CCDC91: variants seen among roughly 807,000 people sequenced by gnomAD.
CCDC91 encodes coiled-coil domain-containing protein 91.
CCDC91 carries 48 observed loss-of-function variants against 63.2 expected under a neutral mutation model. The ratio of observed to expected loss-of-function variants is 0.76; its 90% confidence interval spans 0.60 to 0.97. CCDC91 has a LOEUF of 0.97. Ranked by LOEUF, CCDC91 falls within the 50% of genes least tolerant of loss-of-function variation. The pLI is 0.00. For missense variants in CCDC91, 500 were observed against 494.6 expected, an observed-to-expected ratio of 1.01 and a Z score of -0.10; for synonymous variants, 167 against 165.8, an observed-to-expected ratio of 1.01 and a Z score of -0.06.
chr12:28,365,817 C>T (rs1944235088), intron 7 of CCDC91, among the ~76,000 whole-genome samples: 1 of 152,278 alleles, frequency 6.6e-6, no homozygotes, highest in South Asian at 2.1e-4. Context: ...ACCTCTCCCT[C>T]CCCTGTAAAT....
chr12:28,221,405 C>T (rs981599015), intron 1 of CCDC91, among the ~76,000 whole-genome samples: 4 of 151,974 alleles, frequency 2.6e-5, no homozygotes, highest in African/African-American at 2.4e-5. Context: ...CCTGGTTATG[C>T]GTTATAGTTT....
intron 8 of CCDC91, among the ~76,000 whole-genome samples, chr12:28,411,439 A>G (rs1430152412): frequency 6.6e-6 from 1 of 152,198 alleles, no homozygotes; most frequent in African/African-American, 2.4e-5. Flanking sequence ...GACGGTGTCA[A>G]GATTTAACAG....
rs554841639 is a variant in CCDC91, at chr12:28,274,687, A to G, written c.109+15245A>G. 2.6e-5 allele frequency among the ~76,000 whole-genome samples: 4 copies of G among 152,152 alleles called. No individual in the cohort carries two copies. The South Asian group carries it at 8.3e-4, about 32-fold the overall frequency. The stretch of plus-strand genomic sequence containing the variant: ...GAATGCTTGTGATTTTTGTACATTG[A>G]TTTTGTATCCTGAGACTTTGCTGAG... On this transcript the variant is annotated intron_variant, in intron 3 of 12. Transcript: ENST00000536442.
At chr12:28,337,403 C>T (rs1003997082) in intron 6 of CCDC91, among the ~76,000 whole-genome samples, 13 of 152,086 alleles carry the variant, frequency 8.5e-5, no homozygotes, top group Non-Finnish European at 1.8e-4. Context: ...AATATCTCAT[C>T]TTAGCAATGA....
intron 7 of CCDC91, among the ~76,000 whole-genome samples, chr12:28,371,402 T>G (rs949566558): frequency 6.6e-6 from 1 of 152,188 alleles, no homozygotes; most frequent in African/African-American, 2.4e-5. Flanking sequence ...AATTTCATCC[T>G]GAAACCATCC....
At chr12:28,259,464 GGTTTTTT>G (rs2136197666) in intron 3 of CCDC91, 22 bp downstream of exon 3, 3 of 1,094,904 alleles carry the variant, frequency 2.7e-6, no homozygotes, top group Non-Finnish European at 3.9e-6. Flanking sequence ...CAGGAATTAG[GGTTTTTT>G]TTTTTTTTTT....
chr12:28,229,118 T>C (rs1458360359), intron 1 of CCDC91, among the ~76,000 whole-genome samples: 1 of 152,024 alleles, frequency 6.6e-6, no homozygotes, highest in Non-Finnish European at 1.5e-5. Context: ...AACTGTATTA[T>C]GGGCAGTGTT....
At chr12:28,415,999 A>T (rs900668565) in intron 8 of CCDC91, among the ~76,000 whole-genome samples, 2 of 151,142 alleles carry the variant, frequency 1.3e-5, no homozygotes, top group Non-Finnish European at 2.9e-5. Context: ...TTGGAAATCC[A>T]GTCATGAGGT....
chr12:28,491,516 A>G (rs1952001598), intron 12 of CCDC91, among the ~76,000 whole-genome samples: 1 of 151,812 alleles, frequency 6.6e-6, no homozygotes, highest in Admixed American at 6.6e-5. Context: ...GGTGACAACA[A>G]TTGACAACAG....
intron 6 of CCDC91, among the ~76,000 whole-genome samples, chr12:28,340,989 T>A (rs904344801): frequency 6.6e-6 from 1 of 151,944 alleles, no homozygotes; most frequent in Admixed American, 6.6e-5. Context: ...GGAGATGGAG[T>A]GGGAAGGTTG....
chr12:28,470,255 A>T (rs1051192591), intron 11 of CCDC91, among the ~76,000 whole-genome samples: 2 of 152,156 alleles, frequency 1.3e-5, no homozygotes, highest in African/African-American at 4.8e-5. Flanking sequence ...CTAATAATCC[A>T]GTTAAAAAAT....
At chr12:28,481,389 A>G (rs1182862170) in intron 11 of CCDC91, among the ~76,000 whole-genome samples, 1 of 151,924 alleles carries the variant, frequency 6.6e-6, no homozygotes, top group Non-Finnish European at 1.5e-5. Context: ...AGAATATACC[A>G]TGTTCAGTGG....
At chr12:28,378,849 C>T (rs899895590) in intron 7 of CCDC91, among the ~76,000 whole-genome samples, 2 of 152,084 alleles carry the variant, frequency 1.3e-5, no homozygotes, top group Non-Finnish European at 2.9e-5. Context: ...CTCCCACCAA[C>T]TTAACCTCAG....
chr12:28,321,949 C>T (rs1178151226), intron 6 of CCDC91, among the ~76,000 whole-genome samples: 4 of 151,208 alleles, frequency 2.6e-5, no homozygotes, highest in Admixed American at 1.3e-4. Context: ...TATAGTGATA[C>T]ATATATCACT....
chr12:28,273,916 A>G (rs1395936028), intron 3 of CCDC91, among the ~76,000 whole-genome samples: 1 of 152,200 alleles, frequency 6.6e-6, no homozygotes, highest in Non-Finnish European at 1.5e-5. Context: ...GTCCTTGCCC[A>G]GGCCTATGTC....
intron 3 of CCDC91, among the ~76,000 whole-genome samples, chr12:28,267,911 ATATAATTAT>A (rs1204643726): frequency 3.1e-5 from 3 of 95,266 alleles, no homozygotes; most frequent in African/African-American, 4.4e-5. Flanking sequence ...ATTATATTAT[ATATAATTAT>A]TATAATTATA....
chr12:28,243,801 A>G (rs909088813), intron 1 of CCDC91, among the ~76,000 whole-genome samples: 6 of 152,206 alleles, frequency 3.9e-5, no homozygotes, highest in Non-Finnish European at 8.8e-5. Context: ...GAAAGCAACA[A>G]GCCCAAGTGA....
chr12:28,449,096 A>G (rs1321652070), intron 8 of CCDC91, among the ~76,000 whole-genome samples: 2 of 152,036 alleles, frequency 1.3e-5, no homozygotes, highest in Non-Finnish European at 2.9e-5. Flanking sequence ...CACATCTTTC[A>G]TGTGATTTTA....
At chr12:28,297,720 G>T (rs1949640591) in intron 3 of CCDC91, among the ~76,000 whole-genome samples, 1 of 151,740 alleles carries the variant, frequency 6.6e-6, no homozygotes, top group African/African-American at 2.4e-5. Flanking sequence ...AAGATTTTGG[G>T]CATGAGGACT....
Sources: gnomAD v4.1 joint callset for allele counts (sites outside exome capture counted in the v4.1 genomes callset) on GRCh38, gnomAD v4.1.1 for gene constraint, MANE v1.5 for transcripts, NCBI Gene and HGNC (gene_info 2026-07-23, HGNC 2026-07-21) for gene names.